The following PCNX1 variants were observed in gnomAD, a reference collection of about 807,000 sequenced individuals.
The protein encoded by PCNX1 is pecanex 1, also known as pecanex-like protein 1.
A neutral mutation model predicts 242.2 loss-of-function variants in PCNX1; 78 were observed. The ratio of observed to expected loss-of-function variants is 0.32; its 90% CI spans 0.27 to 0.39. The LOEUF (loss-of-function observed/expected upper bound fraction) is 0.39, where lower values mean the gene tolerates loss of function less well. PCNX1 is among the 10% of genes least tolerant of loss of function. The pLI is 1.00. For missense variants in PCNX1, 2,581 were observed against 2,856.5 expected, an observed-to-expected ratio of 0.90 and a Z score of 2.20; for synonymous variants, 1,024 against 1,032.9, an observed-to-expected ratio of 0.99 and a Z score of 0.17.
intron 2 of PCNX1, among the ~76,000 whole-genome samples, chr14:70,947,504 G>C (rs1266077547): frequency 6.6e-6 from 1 of 152,176 alleles, no homozygotes; most frequent in Non-Finnish European, 1.5e-5. Context: ...CTTTACTGCA[G>C]TCTCTGAACA....
At chr14:71,089,717 C>T (rs571541184) in intron 30 of PCNX1, among the ~76,000 whole-genome samples, 5 of 152,092 alleles carry the variant, frequency 3.3e-5, no homozygotes, top group Admixed American at 6.5e-5. Context: ...TTCCAGGACA[C>T]GTGGGGATTA....
At chr14:71,014,761 G>A (rs1347541561) in intron 11 of PCNX1, among the ~76,000 whole-genome samples, 1 of 152,078 alleles carries the variant, frequency 6.6e-6, no homozygotes, top group African/African-American at 2.4e-5. Context: ...ACTACAAGAG[G>A]AAACAAGGAG....
chr14:70,917,932 A>G (rs1033842028), intron 1 of PCNX1, among the ~76,000 whole-genome samples: 3 of 152,194 alleles, frequency 2.0e-5, no homozygotes, highest in Non-Finnish European at 4.4e-5. Flanking sequence ...CAGCTTCTAC[A>G]TCGGCACTTG....
intron 30 of PCNX1, among the ~76,000 whole-genome samples, chr14:71,100,010 T>G (rs992950350): frequency 6.6e-6 from 1 of 152,182 alleles, no homozygotes; most frequent in African/African-American, 2.4e-5. Flanking sequence ...ATCTTTTTTT[T>G]TTAATCTACC....
chr14:71,050,829 C>A, intron 23 of PCNX1, 69 bp downstream of exon 23: 1 of 1,336,172 alleles, frequency 7.5e-7, no homozygotes, highest in Non-Finnish European at 1.0e-6. Flanking sequence ...GGTTTATAGG[C>A]ATGACCTTTC....
At position 71,111,630 on chromosome 14, in the gene PCNX1, A is replaced by G. The variant is rs1162117557; in HGVS notation, c.*1695A>G. On this transcript the variant is annotated 3_prime_UTR_variant, in exon 36 of 36. Coordinates refer to ENST00000304743, the MANE Select transcript of PCNX1 (RefSeq NM_014982.3). Reference sequence around the variant, plus strand: ...TGTAGATCTCACATTATAGCATAACATTACAGTAGAAGGAATGAAAACTAA... The same window carrying G: ...TGTAGATCTCACATTATAGCATAACGTTACAGTAGAAGGAATGAAAACTAA... The G allele has an allele frequency of 6.6e-6, 1 of 152,180 alleles. No individual in the cohort carries two copies. The highest frequency in any genetic ancestry group is 1.5e-5 in the Non-Finnish European group (1 of 67,972). The allele number at this position is 152,180 out of a possible 1,614,324, so 9.4% of individuals were successfully genotyped here.
intron 7 of PCNX1, among the ~76,000 whole-genome samples, chr14:70,994,581 A>C (rs1382931290): frequency 1.3e-5 from 2 of 151,544 alleles, no homozygotes; most frequent in Admixed American, 6.6e-5. Context: ...TAACTGAATA[A>C]GGCCATTCTA....
chr14:71,109,912 C>T lies in PCNX1; in HGVS notation c.7003C>T (p.Leu2335=). 16 of 1,613,296 alleles carry T rather than the reference C, an allele frequency of 9.9e-6. No individual in the cohort carries two copies. The highest frequency in any genetic ancestry group is 2.2e-5 in the East Asian group (1 of 44,876). Residue 2335 remains leucine, a synonymous_variant, in exon 36 of 36, where the codon CTA becomes TTA. Transcript: ENST00000304743. ...KYVTVIETGV[L]ELGAEV ...TGTGACTGTAATTGAAACTGGGGTA[C>T]TAGAACTTGGGGCTGAAGTGTGAGC...
intron 2 of PCNX1, among the ~76,000 whole-genome samples, chr14:70,959,117 A>G (rs2058104877): frequency 6.6e-6 from 1 of 151,232 alleles, no homozygotes; most frequent in Non-Finnish European, 1.5e-5. Context: ...TAGGATTATG[A>G]CTTATTCTAA....
chr14:71,031,973 G>A lies in PCNX1; in HGVS notation c.3559-1456G>A, dbSNP rs2060399029. The stretch of plus-strand genomic sequence containing the variant: ...AACTTCATGGCTCTTTCTAGGCACT[G>A]TGGTTCATTGTCTCATGCCAAGAAA... On this transcript the variant is annotated intron_variant, in intron 16 of 35. Transcript: ENST00000304743. The A allele has an allele frequency of 6.3e-6, 8 of 1,265,430 alleles. No homozygotes were observed. In the Admixed American group the frequency reaches 1.4e-4, roughly 21 times the overall value. The allele number at this position is 1,265,430 out of a possible 1,614,324, so 78.4% of individuals were successfully genotyped here.
rs2061299030 is a variant in PCNX1 at position 71,060,451 on chromosome 14, T to C, written c.4852+2727T>C. Reference sequence around the variant, plus strand: ...GCAGACTCATACATCTCACATTTACTGTATCTCTTGATTGCATCATTTTCT... The same window carrying C: ...GCAGACTCATACATCTCACATTTACCGTATCTCTTGATTGCATCATTTTCT... On this transcript the variant is annotated intron_variant, in intron 26 of 35. Transcript: ENST00000304743. Among the ~76,000 whole-genome samples, 5 of 152,234 alleles carry C rather than the reference T, an allele frequency of 3.3e-5. No homozygotes were observed. The South Asian group carries it at 1.0e-3, about 32-fold the overall frequency.
chr14:70,975,850 G>A (rs913649932), intron 5 of PCNX1, among the ~76,000 whole-genome samples: 3 of 151,548 alleles, frequency 2.0e-5, no homozygotes, highest in Admixed American at 2.0e-4. Flanking sequence ...TCTGGATGGA[G>A]GGTTAAAGCA....
intron 2 of PCNX1, among the ~76,000 whole-genome samples, chr14:70,952,288 A>G (rs1343393208): frequency 6.6e-6 from 1 of 152,184 alleles, no homozygotes. Flanking sequence ...ATTGTGAAAT[A>G]TGTATTCCAA....
chr14:70,910,229 T>TC (rs1375541677), intron 1 of PCNX1, among the ~76,000 whole-genome samples: 8 of 69,486 alleles, frequency 1.2e-4, no homozygotes, highest in Non-Finnish European at 1.9e-4. Context: ...CTCCTCCTCC[T>TC]CTCACCAGCA....
chr14:70,933,484 T>C (rs1291059411), intron 1 of PCNX1, among the ~76,000 whole-genome samples: 1 of 152,314 alleles, frequency 6.6e-6, no homozygotes, highest in African/African-American at 2.4e-5. Context: ...TATATGAAAT[T>C]TGGATTTGTG....
intron 28 of PCNX1, among the ~76,000 whole-genome samples, chr14:71,082,494 T>G (rs931178024): frequency 1.3e-5 from 2 of 152,162 alleles, no homozygotes; most frequent in African/African-American, 4.8e-5. Context: ...AGTCTGAGTC[T>G]GTTTGTAGGT....
rs1228051800 is a variant in PCNX1 at position 71,076,474 on chromosome 14, AGAAT to A, written c.5337+57_5337+60del. On this transcript the variant is annotated intron_variant, in intron 28 of 35. Coordinates refer to ENST00000304743, the MANE Select transcript of PCNX1 (RefSeq NM_014982.3). The stretch of plus-strand genomic sequence containing the variant: ...AATCCAGGTTTTTCCAAAGATGCAA[AGAAT>A]GTCCCTGTTAGTTCTTATGAGGTCA... The A allele has an allele frequency of 1.7e-5, 20 of 1,163,688 alleles. No individual in the cohort carries two copies. The Admixed American group carries it at 3.4e-4, about 20-fold the overall frequency. The allele number at this position is 1,163,688 out of a possible 1,614,324, so 72.1% of individuals were successfully genotyped here.
intron 24 of PCNX1, 99 bp downstream of exon 24, chr14:71,052,111 G>T: frequency 1.2e-6 from 1 of 868,330 alleles, no homozygotes; most frequent in South Asian, 2.2e-5. Context: ...ATAATTTATT[G>T]TGTTGAAATA....
intron 10 of PCNX1, chr14:71,012,164 C>G (rs1765334818): frequency 6.6e-6 from 1 of 152,092 alleles, no homozygotes; most frequent in Admixed American, 6.6e-5. Flanking sequence ...AACAAACAAA[C>G]AGGGGTGAGG....
Sources: allele counts gnomAD v4.1 joint callset (sites outside exome capture counted in the v4.1 genomes callset), GRCh38; gene constraint gnomAD v4.1.1; transcripts MANE v1.5; gene names NCBI Gene and HGNC (gene_info 2026-07-23, HGNC 2026-07-21).